The following AHDC1 variants were observed in gnomAD, a reference collection of about 807,000 sequenced individuals.
AHDC1 encodes AT-hook DNA binding motif containing 1.
Under a neutral mutation model 87.9 loss-of-function variants are expected in AHDC1, and 7 were observed. The observed-to-expected ratio is 0.08, with a 90% CI of 0.05 to 0.15. AHDC1 has a LOEUF of 0.15. Ranked by LOEUF, AHDC1 falls within the 10% of genes least tolerant of loss-of-function variation. The pLI is 1.00. For synonymous variants in AHDC1, 1,051 were observed against 1,006.8 expected, an observed-to-expected ratio of 1.04 and a Z score of -0.83; for missense variants, 1,841 against 2,253.2, an observed-to-expected ratio of 0.82 and a Z score of 3.70.
rs1320015428 is a variant in AHDC1 at position 27,604,119 on chromosome 1, T to A, written c.-876A>T. On this transcript the variant is annotated 5_prime_UTR_variant, in exon 1 of 9. Transcript: ENST00000673934. ...CGCCCTGCCTGCCTGCCTCTCTCCGTCTCCGCCGCCGCCGCCGCTGCCTCT... is the reference window on the plus strand; with the variant it reads ...CGCCCTGCCTGCCTGCCTCTCTCCGACTCCGCCGCCGCCGCCGCTGCCTCT... 6.4e-6 allele frequency: 1 copy of A among 156,078 alleles called. No homozygotes were observed. The highest frequency in any genetic ancestry group is 1.4e-5 in the Non-Finnish European group (1 of 70,668). The allele number at this position is 156,078 out of a possible 1,614,324, so 9.7% of individuals were successfully genotyped here.
At chr1:27,596,587 C>G (rs552341448) in intron 3 of AHDC1, among the ~76,000 whole-genome samples, 10 of 152,010 alleles carry the variant, frequency 6.6e-5, no homozygotes, top group Non-Finnish European at 1.3e-4. Flanking sequence ...CCAATCCAGG[C>G]AACAGGCTCC....
chr1:27,537,364 G>A (rs2018688829), intron 8 of AHDC1, among the ~76,000 whole-genome samples: 1 of 152,184 alleles, frequency 6.6e-6, no homozygotes, highest in Non-Finnish European at 1.5e-5. Context: ...TAATTACCAC[G>A]CAGGGAGACA....
At chr1:27,555,336 G>C (rs2019769873) in intron 5 of AHDC1, among the ~76,000 whole-genome samples, 2 of 152,238 alleles carry the variant, frequency 1.3e-5, no homozygotes, top group Non-Finnish European at 1.5e-5. Context: ...GACTTGAAGA[G>C]GGAAAGAGAC....
Position 27,595,469 on chromosome 1 carries a change from T to TGTGTGTGTGTGTGTGTGTGTGTGA in AHDC1, c.-629+7927_-629+7928insTCACACACACACACACACACACAC, listed in dbSNP as rs1491196223. ...TGATAGCTGTGTGTGTGTGTGTGTGTGATTGTGTGTGTGTTGGGGTGTTTA... is the reference window on the plus strand; with the variant it reads ...TGATAGCTGTGTGTGTGTGTGTGTGTGTGTGTGTGTGTGTGTGTGTGTGAGATTGTGTGTGTGTTGGGGTGTTTA... On this transcript the variant is annotated intron_variant, in intron 3 of 8. Transcript: ENST00000673934. The surrounding 1 kb of genome is among the most constrained non-coding windows in gnomAD (Gnocchi z 4.0). Among the ~76,000 whole-genome samples the TGTGTGTGTGTGTGTGTGTGTGTGA allele has an allele frequency of 4.6e-5, 7 of 150,984 alleles. No individual in the cohort carries two copies. The highest frequency in any genetic ancestry group is 1.0e-4 in the Non-Finnish European group (7 of 67,748).
chr1:27,588,065 C>T (rs2089112365), intron 3 of AHDC1, among the ~76,000 whole-genome samples: 1 of 152,222 alleles, frequency 6.6e-6, no homozygotes, highest in Non-Finnish European at 1.5e-5. Flanking sequence ...AAAACTGAAG[C>T]CCCAGAGCAT....
intron 3 of AHDC1, among the ~76,000 whole-genome samples, chr1:27,591,829 T>C (rs947895373): frequency 4.6e-5 from 7 of 152,224 alleles, no homozygotes; most frequent in African/African-American, 1.7e-4. Context: ...CTCCTAGGAC[T>C]GTTGAGTTGA....
rs529995463 is a variant in AHDC1, at chr1:27,580,118, C to T, written c.-628-21235G>A. The stretch of plus-strand genomic sequence containing the variant: ...AAGGCCCATGGGCCCTTCTTGATGG[C>T]CTTGGGATGTGGGAGGGAGGGTAGA... On this transcript the variant is annotated intron_variant, in intron 3 of 8. Coordinates refer to ENST00000673934, the MANE Select transcript of AHDC1 (RefSeq NM_001371928.1). Among the ~76,000 whole-genome samples the T allele has an allele frequency of 2.6e-5, 4 of 152,240 alleles. No individual in the cohort carries two copies. In the East Asian group the frequency reaches 7.7e-4, roughly 29 times the overall value.
intron 3 of AHDC1, among the ~76,000 whole-genome samples, chr1:27,570,907 C>T (rs763328947): frequency 2.0e-5 from 3 of 152,066 alleles, no homozygotes; most frequent in Non-Finnish European, 2.9e-5. Context: ...CAAGCCCCAG[C>T]CCTCCTGGGC....
rs200178921 is a variant in AHDC1 at position 27,547,531 on chromosome 1, G to C, written c.4585C>G (p.Arg1529Gly). 1.9e-6 allele frequency: 3 copies of C among 1,610,930 alleles called. No individual in the cohort carries two copies. Among genetic ancestry groups the C allele is most frequent in the Non-Finnish European group, 2.5e-6 (3 of 1,178,712 alleles). ...CCAGCAGCGGCTGCAGCAGGGCCAC[G>C]GGGTGGGCCAGGGGGCCGGGCCATT... The part of the protein sequence containing the change: ...LEMARPPGPP[R>G]GPAAAAAGYG... The change falls in exon 8 of 9, where the codon CGT becomes GGT. Residue 1529 changes from arginine (R) to glycine (G), a missense_variant. Physicochemically the swap from Arg to Gly is moderately radical, Grantham distance 125. Coordinates refer to ENST00000673934, the MANE Select transcript of AHDC1 (RefSeq NM_001371928.1). The surrounding 1 kb of genome is among the most constrained non-coding windows in gnomAD (Gnocchi z 4.9).
chr1:27,548,012 G>A lies in AHDC1; in HGVS notation c.4104C>T (p.Pro1368=). ...CATCAAGCTCGGGAGCACCCAGGCTGGGCGAGTCGCAGTGGAAGCCTTGGC... is the reference window on the plus strand; with the variant it reads ...CATCAAGCTCGGGAGCACCCAGGCTAGGCGAGTCGCAGTGGAAGCCTTGGC... ...TFGQGFHCDS[P]SLGAPELDGK... The change falls in exon 8 of 9, where the codon CCC becomes CCT. Residue 1368 remains proline, a synonymous_variant. Transcript: ENST00000673934. 2 of 1,610,248 alleles carry A rather than the reference G, an allele frequency of 1.2e-6. No homozygotes were observed. The highest frequency in any genetic ancestry group is 1.7e-6 in the Non-Finnish European group (2 of 1,177,144).
Position 27,547,460 on chromosome 1 carries a change from C to T in AHDC1, c.4656G>A (p.Pro1552=), listed in dbSNP as rs773780039. Residue 1552 remains proline (P), a synonymous_variant, in exon 8 of 9, where the codon CCG becomes CCA. Transcript: ENST00000673934. This position sits in a 1 kb window ranked among gnomAD's most constrained non-coding sequence, Gnocchi z 4.9. ...CCTGCAGGGGCAGCAGCGAGTCCCT[C>T]GGCACGGGGGACAGGGTCAAGTCAC... ...LLSDLTLSPV[P]RDSLLPLQDT... 1.6e-5 allele frequency: 26 copies of T among 1,593,100 alleles called. No individual in the cohort carries two copies. Among genetic ancestry groups the T allele is most frequent in the South Asian group, 3.3e-5 (3 of 89,620 alleles).
At chr1:27,567,958 A>C (rs1438546882) in intron 3 of AHDC1, 1 of 152,196 alleles carries the variant, frequency 6.6e-6, no homozygotes, top group Non-Finnish European at 1.5e-5. Context: ...CCCTGCTCTT[A>C]ATCACACACC....
In AHDC1 at chr1:27,549,289, T is replaced by G. The variant is rs150289747; in HGVS notation, c.2827A>C (p.Thr943Pro). 790 of 1,603,594 alleles carry G rather than the reference T, an allele frequency of 4.9e-4. 3 individuals carry two copies. The Middle Eastern group carries it at 8.6e-3, about 17-fold the overall frequency. Reference protein sequence around the residue: ...PAASDCRAAETFPKLVPPPSA... With the variant: ...PAASDCRAAEPFPKLVPPPSA... ...GGCGGGGGCACCAGCTTGGGGAAGG[T>G]CTCGGCTGCCCGGCAGTCTGAAGCG... is the stretch of plus-strand genomic sequence containing the variant. Residue 943 changes from threonine (T) to proline (P), a missense_variant, in exon 8 of 9, where the codon ACC (threonine) becomes CCC (proline). Thr to Pro is a conservative substitution (Grantham distance 38). Transcript: ENST00000673934.
intron 3 of AHDC1, among the ~76,000 whole-genome samples, chr1:27,570,713 A>C (rs192787739): frequency 5.9e-4 from 90 of 152,290 alleles, no homozygotes; most frequent in Middle Eastern, 6.8e-3. Context: ...CACCACTGGA[A>C]GGTTTTAGGG....
At chr1:27,544,442 C>A (rs2019075418) in intron 8 of AHDC1, among the ~76,000 whole-genome samples, 1 of 152,156 alleles carries the variant, frequency 6.6e-6, no homozygotes, top group South Asian at 2.1e-4. Flanking sequence ...AGGGGTCATG[C>A]CTGCTTTGTC....
chr1:27,585,999 A>G (rs1331318619), intron 3 of AHDC1, among the ~76,000 whole-genome samples: 16 of 152,222 alleles, frequency 1.1e-4, no homozygotes, highest in Admixed American at 8.5e-4. Flanking sequence ...ATACTAAGAC[A>G]TGCTGGTGTC....
At chr1:27,566,802 T>C (rs912894392) in intron 3 of AHDC1, among the ~76,000 whole-genome samples, 5 of 111,064 alleles carry the variant, frequency 4.5e-5, no homozygotes, top group Admixed American at 2.0e-4. Context: ...GCTGGGGCAG[T>C]TGGCTGCTAG....
intron 5 of AHDC1, chr1:27,553,458 T>C (rs1177114195): frequency 1.3e-5 from 2 of 152,142 alleles, no homozygotes; most frequent in Non-Finnish European, 2.9e-5. Flanking sequence ...ACTTAATTAC[T>C]AGTGGGATAA....
Position 27,557,809 on chromosome 1 carries a change from G to A in AHDC1, c.-225+496C>T, listed in dbSNP as rs369235495. 2.4e-4 allele frequency among the ~76,000 whole-genome samples: 37 copies of A among 152,174 alleles called. 2 individuals carry two copies. Among genetic ancestry groups the A allele is most frequent in the African/African-American group, 8.2e-4 (34 of 41,494 alleles). On this transcript the variant is annotated intron_variant, in intron 5 of 8. Coordinates refer to ENST00000673934, the MANE Select transcript of AHDC1 (RefSeq NM_001371928.1). ...CAGAATCCTGCATATTCATACTTCC[G>A]GGTACCACATACACAGCCCTTGAAC...
Sources: gnomAD v4.1 joint callset for allele counts (sites outside exome capture counted in the v4.1 genomes callset) on GRCh38, gnomAD v4.1.1 for gene constraint, Gnocchi (gnomAD v3.1) non-coding constraint, MANE v1.5 for transcripts, NCBI Gene and HGNC (gene_info 2026-07-23, HGNC 2026-07-21) for gene names.